Variants in PYM1 observed in about 807,000 individuals in gnomAD.
The protein encoded by PYM1 is partner of Y14 and mago.
PYM1 carries 7 observed loss-of-function variants against 20.7 expected under a neutral mutation model. The observed-to-expected ratio is 0.34, with a 90% CI of 0.19 to 0.64. PYM1 has a LOEUF of 0.64. Ranked by LOEUF, PYM1 falls within the 30% of genes least tolerant of loss-of-function variation. PYM1 has a pLI of 0.74. For missense variants in PYM1, 194 were observed against 250.0 expected (o/e 0.78, Z 1.51); for synonymous variants, 100 against 99.2 (o/e 1.01, Z -0.05).
intron 1 of PYM1, among the ~76,000 whole-genome samples, chr12:55,907,683 A>G (rs1882847170): frequency 6.6e-6 from 1 of 150,976 alleles, no homozygotes; most frequent in African/African-American, 2.4e-5. Context: ...GCACACCTGT[A>G]ATCCCAGCAC....
chr12:55,912,817 A>T (rs1447247183), intron 1 of PYM1, among the ~76,000 whole-genome samples: 1 of 150,078 alleles, frequency 6.7e-6, no homozygotes, highest in Non-Finnish European at 1.5e-5. Context: ...TACAAAAATT[A>T]GCAGGTCACT....
At chr12:55,906,393 A>C (rs562864181) in intron 1 of PYM1, among the ~76,000 whole-genome samples, 1 of 152,258 alleles carries the variant, frequency 6.6e-6, no homozygotes, top group South Asian at 2.1e-4. Flanking sequence ...TGTGGCAGTG[A>C]AGAACAAAAT....
intron 1 of PYM1, among the ~76,000 whole-genome samples, chr12:55,907,963 G>A (rs1179062525): frequency 1.3e-5 from 2 of 150,732 alleles, no homozygotes; most frequent in African/African-American, 2.4e-5. Context: ...AAAAAATAAG[G>A]CTGGGCATGG....
chr12:55,915,559 TAAAA>T (rs568756685), intron 1 of PYM1, among the ~76,000 whole-genome samples: 4 of 121,080 alleles, frequency 3.3e-5, no homozygotes, highest in Non-Finnish European at 6.9e-5. Flanking sequence ...AGTTTATCTT[TAAAA>T]AAAAAAAAAA....
intron 1 of PYM1, among the ~76,000 whole-genome samples, chr12:55,919,300 G>T (rs1883058814): frequency 6.6e-6 from 1 of 152,010 alleles, no homozygotes; most frequent in Non-Finnish European, 1.5e-5. Context: ...AGGAGTGTGT[G>T]TGTCACCACA....
chr12:55,918,259 G>A (rs61956428), intron 1 of PYM1, among the ~76,000 whole-genome samples: 120,240 of 151,502 alleles, frequency 0.79, 47,789 homozygotes, highest in Middle Eastern at 0.88. Flanking sequence ...CACCATGCCC[G>A]GCTAAGTTTC....
chr12:55,914,380 C>G (rs1451154044), intron 1 of PYM1: 1 of 702,054 alleles, frequency 1.4e-6, no homozygotes, highest in Non-Finnish European at 2.6e-6. Flanking sequence ...GAAATAAAAA[C>G]CAAGGGCAAA....
Position 55,901,440 on chromosome 12 carries a change from T to C in PYM1, c.*432A>G, listed in dbSNP as rs1269527747. On this transcript the variant is annotated 3_prime_UTR_variant, in exon 3 of 3. Transcript: ENST00000408946. ...CATGTCTACTTGTGTTTATTCTCAT[T>C]TTTGCTTTTTTTAAAAAAAAAAAAA... is the stretch of plus-strand genomic sequence containing the variant. 1 of 159,938 alleles carries C rather than the reference T, an allele frequency of 6.3e-6. No individual in the cohort carries two copies. The highest frequency in any genetic ancestry group is 1.4e-5 in the Non-Finnish European group (1 of 72,384). The allele number at this position is 159,938 out of a possible 1,614,324, so 9.9% of individuals were successfully genotyped here. A position where few individuals can be genotyped will look rare whatever the true frequency, so the allele number is the denominator to read the frequency against.
chr12:55,903,286 G>T, intron 2 of PYM1, 101 bp downstream of exon 2: 1 of 1,014,472 alleles, frequency 9.9e-7, no homozygotes, highest in Admixed American at 2.4e-5. Context: ...CCATTTCCTT[G>T]GGGCTTAGGA....
intron 1 of PYM1, among the ~76,000 whole-genome samples, chr12:55,911,844 AAAGAG>A (rs1202788835): frequency 6.6e-6 from 1 of 151,048 alleles, no homozygotes; most frequent in African/African-American, 2.5e-5. Flanking sequence ...TCCATCAAGA[AAAGAG>A]AAGGGGAGGG....
intron 1 of PYM1, among the ~76,000 whole-genome samples, chr12:55,922,820 A>T (rs919272808): frequency 6.6e-6 from 1 of 152,200 alleles, no homozygotes; most frequent in Non-Finnish European, 1.5e-5. Context: ...ACTCAAGGTC[A>T]TGGAAAACAA....
intron 1 of PYM1, among the ~76,000 whole-genome samples, chr12:55,911,779 T>TGCAATGAG (rs1882927527): frequency 6.6e-6 from 1 of 150,702 alleles, no homozygotes; most frequent in African/African-American, 2.4e-5. Context: ...AGGGGGAGGT[T>TGCAATGAG]GCAATGAGCC....
chr12:55,914,217 T>G (rs1452998169), intron 1 of PYM1: 4 of 683,284 alleles, frequency 5.9e-6, no homozygotes, highest in African/African-American at 5.3e-5. Flanking sequence ...GCTTCTTGAA[T>G]GGCCATCCTG....
intron 1 of PYM1, among the ~76,000 whole-genome samples, chr12:55,925,068 C>T (rs555131898): frequency 6.6e-6 from 1 of 152,324 alleles, no homozygotes; most frequent in South Asian, 2.1e-4. Context: ...TAGCTCTGTA[C>T]TTTTTCTCTA....
chr12:55,903,597 C>T (rs764067343), intron 1 of PYM1, 117 bp from the exon 2 acceptor site: 1 of 882,486 alleles, frequency 1.1e-6, no homozygotes, highest in Non-Finnish European at 1.7e-6. Context: ...CAAATGCAAC[C>T]ATTAGGCTCC....
chr12:55,923,937 G>T (rs1592642806), intron 1 of PYM1, among the ~76,000 whole-genome samples: 1 of 151,956 alleles, frequency 6.6e-6, no homozygotes, highest in African/African-American at 2.4e-5. Flanking sequence ...TTAGCCAAGC[G>T]TGGTGACATG....
intron 1 of PYM1, among the ~76,000 whole-genome samples, chr12:55,924,296 G>A (rs1448008955): frequency 2.0e-5 from 3 of 152,120 alleles, no homozygotes; most frequent in African/African-American, 7.2e-5. Context: ...ACTGCAAAGA[G>A]TTAAGAACAA....
chr12:55,909,264 A>T (rs1438455029), intron 1 of PYM1, among the ~76,000 whole-genome samples: 1 of 152,188 alleles, frequency 6.6e-6, no homozygotes, highest in Non-Finnish European at 1.5e-5. Flanking sequence ...GAGTCAAACT[A>T]AACAAAAAGG....
At chr12:55,927,192 A>C in intron 1 of PYM1, 1 of 1,541,296 alleles carries the variant, frequency 6.5e-7, no homozygotes, top group South Asian at 1.2e-5. Context: ...CGATCGTAGC[A>C]AGCCACCATC....
Sources: allele counts gnomAD v4.1 joint callset (sites outside exome capture counted in the v4.1 genomes callset), GRCh38; gene constraint gnomAD v4.1.1; transcripts MANE v1.5; gene names NCBI Gene and HGNC (gene_info 2026-07-23, HGNC 2026-07-21).